FYB2: variants seen among roughly 807,000 people sequenced by gnomAD.
FYB2 encodes the protein FYN binding protein 2.
In FYB2, 103 loss-of-function variants were observed where a neutral mutation model predicts 94.1. That is an observed-to-expected ratio of 1.09 (90% CI 0.93 to 1.29). The LOEUF is 1.29. Ranked by LOEUF, FYB2 falls within the 50% of genes most tolerant of loss-of-function variation. FYB2 has a pLI of 0.00. For synonymous variants in FYB2, 293 were observed against 287.9 expected, an observed-to-expected ratio of 1.02 and a Z score of -0.18; for missense variants, 896 against 841.5, an observed-to-expected ratio of 1.06 and a Z score of -0.80.
chr1:56,771,522 A>T (rs761078135), intron 4 of FYB2, among the ~76,000 whole-genome samples: 2 of 152,188 alleles, frequency 1.3e-5, no homozygotes, highest in Non-Finnish European at 2.9e-5. Context: ...GGAATTATGG[A>T]GTAAATTCAT....
chr1:56,739,314 C>G (rs565544595), intron 13 of FYB2, among the ~76,000 whole-genome samples: 2 of 152,206 alleles, frequency 1.3e-5, no homozygotes, highest in South Asian at 2.1e-4. Flanking sequence ...ATCTAATCTG[C>G]TAAGGCCAGG....
At chr1:56,772,453 T>C (rs761218433) in intron 4 of FYB2, among the ~76,000 whole-genome samples, 20 of 152,154 alleles carry the variant, frequency 1.3e-4, no homozygotes, top group Non-Finnish European at 2.5e-4. Flanking sequence ...TTATCCCTGG[T>C]CCATTAAAAC....
At position 56,792,723 on chromosome 1, in the gene FYB2, G is replaced by A. The variant is rs1265175727; in HGVS notation, c.90C>T (p.Phe30=). 1 of 1,613,942 alleles carries A rather than the reference G, an allele frequency of 6.2e-7. No individual in the cohort carries two copies. Among genetic ancestry groups the A allele is most frequent in the Non-Finnish European group, 8.5e-7 (1 of 1,180,002 alleles). Residue 30 remains phenylalanine, a synonymous_variant, in exon 2 of 20, where the codon TTC becomes TTT. Coordinates refer to ENST00000343433, the MANE Select transcript of FYB2 (RefSeq NM_001004303.5). ...CACCCTTTGGAGAAACACCTGCTGGGAATTTAATAGGTCCTGGAAGAGGTG... is the reference window on the plus strand; with the variant it reads ...CACCCTTTGGAGAAACACCTGCTGGAAATTTAATAGGTCCTGGAAGAGGTG... ...DAPPLPGPIK[F]PAGVSPKGDI...
At chr1:56,759,135 C>T (rs1013647060) in intron 5 of FYB2, among the ~76,000 whole-genome samples, 5 of 152,146 alleles carry the variant, frequency 3.3e-5, no homozygotes, top group African/African-American at 4.8e-5. Context: ...CTCTATCATG[C>T]CCCAAAGTGC....
intron 4 of FYB2, among the ~76,000 whole-genome samples, chr1:56,772,930 C>T (rs1179779527): frequency 3.3e-5 from 5 of 152,066 alleles, no homozygotes; most frequent in African/African-American, 1.2e-4. Flanking sequence ...TTATTAGTGG[C>T]ATAGCATCAG....
intron 1 of FYB2, among the ~76,000 whole-genome samples, chr1:56,802,124 A>G (rs974341129): frequency 9.2e-5 from 14 of 152,152 alleles, no homozygotes; most frequent in African/African-American, 3.4e-4. Context: ...GTCTCATGTA[A>G]GGCACTGCTT....
chr1:56,781,024 CA>C (rs1352876510), intron 4 of FYB2, among the ~76,000 whole-genome samples: 4 of 152,190 alleles, frequency 2.6e-5, no homozygotes, highest in African/African-American at 9.7e-5. Context: ...AATATCACCA[CA>C]AGGAGGCTGT....
chr1:56,826,143 C>T, the FYB2 span, among the ~76,000 whole-genome samples: 1 of 152,200 alleles, frequency 6.6e-6, no homozygotes, highest in Non-Finnish European at 1.5e-5. Context: ...GATGACTAGA[C>T]CTCAGAAACA....
At chr1:56,746,016 G>T (rs956938941) in intron 9 of FYB2, among the ~76,000 whole-genome samples, 4 of 151,752 alleles carry the variant, frequency 2.6e-5, no homozygotes, top group Non-Finnish European at 4.4e-5. Flanking sequence ...AGTAATCTAT[G>T]AGCACTTTAA....
chr1:56,780,814 T>C (rs1434269868), intron 4 of FYB2, among the ~76,000 whole-genome samples: 1 of 152,184 alleles, frequency 6.6e-6, no homozygotes, highest in Non-Finnish European at 1.5e-5. Context: ...TCAGTGGCCC[T>C]GTTGTGTCCC....
intron 1 of FYB2, among the ~76,000 whole-genome samples, chr1:56,811,403 A>G (rs1164777037): frequency 6.6e-6 from 1 of 152,146 alleles, no homozygotes. Flanking sequence ...CTGCCAGCTT[A>G]TCTAATTATG....
intron 4 of FYB2, among the ~76,000 whole-genome samples, chr1:56,781,078 T>C (rs1219607829): frequency 6.6e-6 from 1 of 152,196 alleles, no homozygotes; most frequent in Non-Finnish European, 1.5e-5. Flanking sequence ...CAGTCTTAAT[T>C]ACCTGAAGTG....
chr1:56,804,392 G>A (rs940914751), intron 1 of FYB2, among the ~76,000 whole-genome samples: 3 of 152,080 alleles, frequency 2.0e-5, no homozygotes, highest in African/African-American at 7.2e-5. Flanking sequence ...GGCTTTCTTT[G>A]AGAACTACAA....
intron 1 of FYB2, among the ~76,000 whole-genome samples, chr1:56,798,812 C>T (rs1050201021): frequency 3.3e-5 from 5 of 152,136 alleles, no homozygotes; most frequent in African/African-American, 1.2e-4. Context: ...TCCAAGGTCA[C>T]GCAGCAAGGA....
chr1:56,720,416 T>G, intron 17 of FYB2, 87 bp from the exon 18 acceptor site: 2 of 1,234,524 alleles, frequency 1.6e-6, no homozygotes, highest in Non-Finnish European at 2.2e-6. Flanking sequence ...TATAGTAACT[T>G]CAAAATTAAC....
intron 1 of FYB2, among the ~76,000 whole-genome samples, chr1:56,793,681 A>G (rs1646327390): frequency 6.6e-6 from 1 of 151,308 alleles, no homozygotes; most frequent in Non-Finnish European, 1.5e-5. Flanking sequence ...TCAGTGACAC[A>G]CAATTTACCC....
intron 4 of FYB2, among the ~76,000 whole-genome samples, chr1:56,783,136 A>T (rs1646047153): frequency 6.6e-6 from 1 of 152,202 alleles, no homozygotes; most frequent in African/African-American, 2.4e-5. Flanking sequence ...GGAGAGGCCA[A>T]GGTTTAGAGA....
intron 1 of FYB2, among the ~76,000 whole-genome samples, chr1:56,805,076 C>T (rs1646612516): frequency 6.6e-6 from 1 of 152,120 alleles, no homozygotes; most frequent in African/African-American, 2.4e-5. Context: ...GCAGCTTTTT[C>T]CAGTTCTTAG....
At chr1:56,822,796 C>T (rs935568458), upstream of FYB2, among the ~76,000 whole-genome samples, 5 of 150,918 alleles carry the variant, frequency 3.3e-5, no homozygotes, top group African/African-American at 7.3e-5. Context: ...TGGGAAATCA[C>T]GTGTCCTCAC....
Sources: allele counts gnomAD v4.1 joint callset (sites outside exome capture counted in the v4.1 genomes callset), GRCh38; gene constraint gnomAD v4.1.1; transcripts MANE v1.5; gene names NCBI Gene and HGNC (gene_info 2026-07-23, HGNC 2026-07-21).